Variants in FBXL2 observed in about 807,000 individuals in gnomAD.
The protein encoded by FBXL2 is F-box/LRR-repeat protein 2.
FBXL2 carries 38 observed loss-of-function variants against 69.2 expected under a neutral mutation model. That is an observed-to-expected ratio of 0.55 (90% CI 0.42 to 0.72). FBXL2 has a LOEUF of 0.72. FBXL2 is among the 30% of genes least tolerant of loss of function. The pLI is 0.00. For missense variants in FBXL2, 354 were observed against 520.3 expected (o/e 0.68, Z 3.11); for synonymous variants, 192 against 201.3 (o/e 0.95, Z 0.39).
intron 2 of FBXL2, among the ~76,000 whole-genome samples, chr3:33,311,251 T>C (rs2037166541): frequency 6.6e-6 from 1 of 152,166 alleles, no homozygotes; most frequent in African/African-American, 2.4e-5. Flanking sequence ...GTAGTCTTAT[T>C]TGGATTGAAC....
chr3:33,308,392 A>G (rs760296625), intron 2 of FBXL2, among the ~76,000 whole-genome samples: 1 of 152,190 alleles, frequency 6.6e-6, no homozygotes, highest in Non-Finnish European at 1.5e-5. Context: ...CACTGAATTT[A>G]TATCATATGA....
At position 33,352,098 on chromosome 3, in the gene FBXL2, G is replaced by A. The variant is rs192197193; in HGVS notation, c.66-6869G>A. Among the ~76,000 whole-genome samples the A allele has an allele frequency of 1.1e-4, 16 of 152,170 alleles. No individual in the cohort carries two copies. The East Asian group carries it at 1.9e-3, about 18-fold the overall frequency. On this transcript the variant is annotated intron_variant, in intron 2 of 14. Transcript: ENST00000484457. ...GACTTAGTATAAAGCTCCAGTAATCGAGACATGTAGCATTGGTGAAAGAAT... is the reference window on the plus strand; with the variant it reads ...GACTTAGTATAAAGCTCCAGTAATCAAGACATGTAGCATTGGTGAAAGAAT...
At position 33,386,092 on chromosome 3, in the gene FBXL2, G is replaced by A. The variant is rs1211072941; in HGVS notation, c.*484G>A. 1 of 171,698 alleles carries A rather than the reference G, an allele frequency of 5.8e-6. No homozygotes were observed. Among genetic ancestry groups the A allele is most frequent in the Non-Finnish European group, 1.3e-5 (1 of 78,400 alleles). The allele number at this position is 171,698 out of a possible 1,614,324, so 10.6% of individuals were successfully genotyped here. ...AGATAAATAGCAACTTTATCAAAGT[G>A]ACTGTACTGCAAATTAATTCATAAT... On this transcript the variant is annotated 3_prime_UTR_variant, in exon 15 of 15. Coordinates refer to ENST00000484457, the MANE Select transcript of FBXL2 (RefSeq NM_012157.5).
Position 33,288,348 on chromosome 3 carries a change from C to T in FBXL2, c.4-9316C>T, listed in dbSNP as rs1043989501. The stretch of plus-strand genomic sequence containing the variant: ...AGTGGATATCCAGCAGTGCGCAAAC[C>T]GAGTATGGCTCTTCTCTCATGGAAC... On this transcript the variant is annotated intron_variant, in intron 1 of 14. Transcript: ENST00000484457. 2.6e-5 allele frequency among the ~76,000 whole-genome samples: 4 copies of T among 152,234 alleles called. No homozygotes were observed. In the East Asian group the frequency reaches 5.8e-4, roughly 22 times the overall value.
intron 2 of FBXL2, among the ~76,000 whole-genome samples, chr3:33,303,326 C>T (rs1042364751): frequency 3.3e-5 from 5 of 152,088 alleles, no homozygotes; most frequent in African/African-American, 1.2e-4. Flanking sequence ...ATGTTGAAAT[C>T]AAATGCAGAA....
intron 12 of FBXL2, chr3:33,397,176 AAGAAC>A: frequency 6.7e-7 from 1 of 1,487,044 alleles, no homozygotes; most frequent in Non-Finnish European, 9.1e-7. Context: ...TAAATGGAAA[AAGAAC>A]AGAACTGCTT....
At chr3:33,297,222 GTTTATT>G (rs1157959956) in intron 1 of FBXL2, among the ~76,000 whole-genome samples, 1 of 152,104 alleles carries the variant, frequency 6.6e-6, no homozygotes. Flanking sequence ...TGGAAATACA[GTTTATT>G]TTTATATAAC....
At chr3:33,352,184 A>G (rs2040872752) in intron 2 of FBXL2, among the ~76,000 whole-genome samples, 1 of 152,198 alleles carries the variant, frequency 6.6e-6, no homozygotes, top group African/African-American at 2.4e-5. Flanking sequence ...TAAATAGTCA[A>G]CTGATCTTTG....
downstream of FBXL2, chr3:33,392,737 C>T: frequency 1.1e-6 from 1 of 877,198 alleles, no homozygotes; most frequent in Non-Finnish European, 1.7e-6. Flanking sequence ...AACGATAATT[C>T]ATGAAGGCAG....
At chr3:33,298,345 G>A (rs2035932335) in intron 2 of FBXL2, among the ~76,000 whole-genome samples, 1 of 152,102 alleles carries the variant, frequency 6.6e-6, no homozygotes, top group Admixed American at 6.5e-5. Flanking sequence ...AGGCACTTCA[G>A]TTTTCTTTAG....
At chr3:33,417,398 T>G in the FBXL2 span, among the ~76,000 whole-genome samples, 3 of 152,186 alleles carry the variant, frequency 2.0e-5, no homozygotes, top group Non-Finnish European at 2.9e-5. Context: ...ATGTGGGTAT[T>G]TGTGCCTTGC....
intron 2 of FBXL2, chr3:33,303,118 G>C (rs899223617): frequency 2.2e-6 from 1 of 456,706 alleles, no homozygotes; most frequent in Non-Finnish European, 4.4e-6. Flanking sequence ...ATTTCCTGCT[G>C]TCTGTGGTGC....
At chr3:33,404,891 A>G (rs1261934067), downstream of FBXL2, among the ~76,000 whole-genome samples, 2 of 152,162 alleles carry the variant, frequency 1.3e-5, no homozygotes, top group African/African-American at 4.8e-5. Flanking sequence ...ATATGTATAA[A>G]ATTCTAGAAG....
At chr3:33,323,985 T>C (rs2038467299) in intron 2 of FBXL2, among the ~76,000 whole-genome samples, 1 of 152,240 alleles carries the variant, frequency 6.6e-6, no homozygotes, top group Admixed American at 6.5e-5. Context: ...CCTGACTTTT[T>C]AATGATCGCC....
rs2043371403 is a variant in FBXL2, at chr3:33,385,501, G to T, written c.1165G>T (p.Ala389Ser). 1 of 1,613,506 alleles carries T rather than the reference G, an allele frequency of 6.2e-7. No individual in the cohort carries two copies. Among genetic ancestry groups the T allele is most frequent in the Non-Finnish European group, 8.5e-7 (1 of 1,179,708 alleles). The change falls in exon 15 of 15, where the codon GCT (alanine) becomes TCT (serine). Residue 389 changes from alanine to serine, a missense_variant and splice_region_variant. Physicochemically the swap from Ala to Ser is moderately conservative, Grantham distance 99 (BLOSUM62 1). Coordinates refer to ENST00000484457, the MANE Select transcript of FBXL2 (RefSeq NM_012157.5). ...VTRAGIKRMR[A>S]QLPHVKVHAY... ...TCCACTTTTTTCTTCATCCTTCCAG[G>T]CTCAGCTCCCTCATGTCAAAGTCCA...
At chr3:33,307,659 A>T (rs2036837726) in intron 2 of FBXL2, among the ~76,000 whole-genome samples, 1 of 152,008 alleles carries the variant, frequency 6.6e-6, no homozygotes, top group Admixed American at 6.6e-5. Context: ...CATGTCTACA[A>T]CCTACTCTCA....
chr3:33,305,319 G>A (rs1452484420), intron 2 of FBXL2, among the ~76,000 whole-genome samples: 1 of 151,664 alleles, frequency 6.6e-6, no homozygotes, highest in Non-Finnish European at 1.5e-5. Context: ...ATACATTTTT[G>A]TTTTCTTTTG....
In FBXL2 at chr3:33,380,553, C is replaced by T. The variant is rs1251330743; in HGVS notation, c.951+1812C>T. Among the ~76,000 whole-genome samples, 7 of 100,756 alleles carry T rather than the reference C, an allele frequency of 6.9e-5. No individual in the cohort carries two copies. The Admixed American group carries it at 7.7e-4, about 11-fold the overall frequency. The allele number at this position is 100,756 out of a possible 152,430, so 66.1% of individuals were successfully genotyped here. ...AGCCTGGGCAACAAGAGCAAAACTC[C>T]ATAAAAAAAAAAAAAAAAAAAGTAC... On this transcript the variant is annotated intron_variant, in intron 13 of 14. Coordinates refer to ENST00000484457, the MANE Select transcript of FBXL2 (RefSeq NM_012157.5).
intron 2 of FBXL2, among the ~76,000 whole-genome samples, chr3:33,337,849 C>T (rs977672856): frequency 6.6e-6 from 1 of 152,070 alleles, no homozygotes; most frequent in Non-Finnish European, 1.5e-5. Flanking sequence ...AAATCAAGAA[C>T]GCAATACTGT....
Sources: gnomAD v4.1 joint callset for allele counts (sites outside exome capture counted in the v4.1 genomes callset) on GRCh38, gnomAD v4.1.1 for gene constraint, MANE v1.5 for transcripts, NCBI Gene and HGNC (gene_info 2026-07-23, HGNC 2026-07-21) for gene names.